The following MGA variants were observed in gnomAD, a reference collection of about 807,000 sequenced individuals.
The protein encoded by MGA is MAX dimerization protein MGA.
In MGA, 40 loss-of-function variants were observed where a neutral mutation model predicts 261.1. The ratio of observed to expected loss-of-function variants is 0.15; its 90% CI spans 0.12 to 0.20. The LOEUF is 0.20. MGA is among the 10% of genes least tolerant of loss of function. The pLI is 1.00. For missense variants in MGA, 3,397 were observed against 3,630.5 expected (o/e 0.94, Z 1.65); for synonymous variants, 1,302 against 1,290.6 (o/e 1.01, Z -0.19).
chr15:41,748,519 G>A, intron 15 of MGA, 118 bp from the exon 16 acceptor site: 3 of 1,146,140 alleles, frequency 2.6e-6, no homozygotes, highest in Non-Finnish European at 3.6e-6. Flanking sequence ...TTGTGTCATT[G>A]CACTCCAGCC....
intron 13 of MGA, among the ~76,000 whole-genome samples, chr15:41,739,295 C>G (rs2061962830): frequency 1.3e-5 from 2 of 152,034 alleles, no homozygotes; most frequent in Admixed American, 1.3e-4. Flanking sequence ...GAGTTCGTAC[C>G]AACATTCAGT....
upstream of MGA, among the ~76,000 whole-genome samples, chr15:41,656,377 T>TCTCTCTCTCA (rs1555403733): frequency 3.4e-3 from 229 of 68,124 alleles, 4 homozygotes; most frequent in East Asian, 0.011. Flanking sequence ...TCTCTCTCTC[T>TCTCTCTCTCA]CACACCCAGG....
chr15:41,762,367 G>A lies in MGA; in HGVS notation c.7744+5G>A. On this transcript the variant is annotated splice_donor_5th_base_variant and intron_variant, in intron 22 of 23. Coordinates refer to ENST00000219905, the MANE Select transcript of MGA (RefSeq NM_001164273.2). ...GAAAAAAAGACCAGGCCACAGGTAG[G>A]AGGGACATTCTTCGCTTTCCTTAAT... is the stretch of plus-strand genomic sequence containing the variant. 6.2e-7 allele frequency: 1 copy of A among 1,608,732 alleles called. No individual in the cohort carries two copies. The highest frequency in any genetic ancestry group is 2.2e-5 in the East Asian group (1 of 44,806).
intron 2 of MGA, among the ~76,000 whole-genome samples, chr15:41,694,261 C>T (rs1242626291): frequency 6.6e-6 from 1 of 151,688 alleles, no homozygotes; most frequent in Non-Finnish European, 1.5e-5. Context: ...ACTAAAAATA[C>T]AAAAATTAGC....
chr15:41,739,806 T>C (rs1283126284), intron 13 of MGA, 100 bp from the exon 14 acceptor site: 14 of 1,177,128 alleles, frequency 1.2e-5, no homozygotes, highest in East Asian at 5.5e-5. Flanking sequence ...ATCTGAAAAA[T>C]AGACTTATGA....
Position 41,740,076 on chromosome 15 carries a change from T to C in MGA, c.4458T>C (p.Ala1486=). ...AGGTAGCATCCAATGCCAAGGTGGC[T>C]GCATCCAGGAAACCACGTACCCTGT... Residue 1486 remains alanine, a synonymous_variant, in exon 14 of 24, where the codon GCT becomes GCC. Coordinates refer to ENST00000219905, the MANE Select transcript of MGA (RefSeq NM_001164273.2). 6.2e-7 allele frequency: 1 copy of C among 1,614,034 alleles called. No individual in the cohort carries two copies. Among genetic ancestry groups the C allele is most frequent in the Non-Finnish European group, 8.5e-7 (1 of 1,179,898 alleles).
chr15:41,716,948 AG>A (rs1190294668), intron 9 of MGA, among the ~76,000 whole-genome samples: 1 of 152,174 alleles, frequency 6.6e-6, no homozygotes, highest in Non-Finnish European at 1.5e-5. Flanking sequence ...GCTGAAAAAA[AG>A]ATGGGTAACA....
At chr15:41,702,020 T>C (rs2059880152) in intron 5 of MGA, among the ~76,000 whole-genome samples, 1 of 152,166 alleles carries the variant, frequency 6.6e-6, no homozygotes, top group Non-Finnish European at 1.5e-5. Flanking sequence ...CTTGGCTTCC[T>C]TTAAAAAGCC....
intron 1 of MGA, among the ~76,000 whole-genome samples, chr15:41,664,618 A>G (rs747168968): frequency 1.3e-5 from 2 of 152,224 alleles, no homozygotes; most frequent in Non-Finnish European, 2.9e-5. Context: ...CGTGGAACAC[A>G]TACACACAAA....
chr15:41,647,820 A>T (rs2056964663), intron 1 of MGA, among the ~76,000 whole-genome samples: 1 of 151,848 alleles, frequency 6.6e-6, no homozygotes, highest in African/African-American at 2.4e-5. Flanking sequence ...ATTTTGGGGG[A>T]TTACATACTC....
intron 9 of MGA, chr15:41,718,322 CATATATATAT>C: frequency 5.0e-6 from 1 of 198,314 alleles, no homozygotes; most frequent in Admixed American, 6.4e-5. Context: ...TATATATATA[CATATATATAT>C]ACATGTATAG....
At chr15:41,743,515 C>A (rs2695169) in intron 15 of MGA, among the ~76,000 whole-genome samples, 112,696 of 152,124 alleles carry the variant, frequency 0.74, 43,359 homozygotes, top group East Asian at 0.89. Flanking sequence ...AAAAACATTA[C>A]AATGGAAGTG....
At chr15:41,724,869 G>A (rs1308961112) in intron 9 of MGA, among the ~76,000 whole-genome samples, 1 of 151,734 alleles carries the variant, frequency 6.6e-6, no homozygotes, top group Non-Finnish European at 1.5e-5. Flanking sequence ...GTGCCCGTAT[G>A]TTTACCTCAG....
At chr15:41,675,184 G>A (rs1050274277) in intron 2 of MGA, among the ~76,000 whole-genome samples, 3 of 152,304 alleles carry the variant, frequency 2.0e-5, no homozygotes, top group African/African-American at 7.2e-5. Context: ...GGGTCATACA[G>A]TAGGCATACT....
At chr15:41,737,284 C>A (rs2151803150) in intron 13 of MGA, among the ~76,000 whole-genome samples, 1 of 151,844 alleles carries the variant, frequency 6.6e-6, no homozygotes, top group African/African-American at 2.4e-5. Flanking sequence ...GACACCACAC[C>A]TGGCTAATTT....
intron 19 of MGA, among the ~76,000 whole-genome samples, chr15:41,758,867 C>T (rs1053897677): frequency 6.6e-6 from 1 of 151,996 alleles, no homozygotes; most frequent in Non-Finnish European, 1.5e-5. Flanking sequence ...ATCACAAAAC[C>T]AAGAAACTGC....
upstream of MGA, among the ~76,000 whole-genome samples, chr15:41,656,377 T>TCTCTCTCTCTCTCTCTCTCACACA (rs1555403733): frequency 2.9e-5 from 2 of 68,270 alleles, no homozygotes; most frequent in Non-Finnish European, 6.9e-5. Context: ...TCTCTCTCTC[T>TCTCTCTCTCTCTCTCTCTCACACA]CACACCCAGG....
In MGA at chr15:41,742,556, C is replaced by G; in HGVS notation, c.4596C>G (p.Pro1532=). Residue 1532 remains proline, a synonymous_variant, in exon 15 of 24, where the codon CCC becomes CCG. Transcript: ENST00000219905. ...AATTTCTGTTTGCAGCGGCTCGACC[C>G]TCTCCTGGTGGTGTGTTCACACAGT... 1 of 1,612,024 alleles carries G rather than the reference C, an allele frequency of 6.2e-7. No homozygotes were observed. The highest frequency in any genetic ancestry group is 8.5e-7 in the Non-Finnish European group (1 of 1,178,576).
intron 2 of MGA, chr15:41,684,830 A>G (rs2058866092): frequency 6.5e-6 from 1 of 152,784 alleles, no homozygotes. Context: ...GGAAAGGGAA[A>G]AGAGTGGGCT....
Sources: allele counts gnomAD v4.1 joint callset (sites outside exome capture counted in the v4.1 genomes callset), GRCh38; gene constraint gnomAD v4.1.1; transcripts MANE v1.5; gene names NCBI Gene and HGNC (gene_info 2026-07-23, HGNC 2026-07-21).